ZNF469: variants seen among roughly 807,000 people sequenced by gnomAD.
ZNF469 encodes the protein zinc finger protein 469.
In ZNF469, 1 loss-of-function variant was observed where a neutral mutation model predicts 1.0. The observed-to-expected ratio is 1.00, with a 90% CI of 0.35 to 4.73. The LOEUF (loss-of-function observed/expected upper bound fraction) is 4.73, where lower values mean the gene tolerates loss of function less well. Among genes scored for constraint, ZNF469 ranks in the 30% most tolerant of loss-of-function variants. The pLI is 0.16. For missense variants in ZNF469, 6,100 were observed against 5,356.3 expected, an observed-to-expected ratio of 1.14 and a Z score of -4.33; for synonymous variants, 2,703 against 2,363.4, an observed-to-expected ratio of 1.14 and a Z score of -4.17.
the ZNF469 span, among the ~76,000 whole-genome samples, chr16:88,374,749 C>CGG: frequency 1.3e-5 from 2 of 152,294 alleles, no homozygotes; most frequent in African/African-American, 2.4e-5. Context: ...GCGCCGTGTG[C>CGG]TGTGGGCTGA....
At chr16:88,112,252 G>T in the ZNF469 span, among the ~76,000 whole-genome samples, 13 of 152,192 alleles carry the variant, frequency 8.5e-5, no homozygotes, top group Non-Finnish European at 1.6e-4. Context: ...ACACAGGACT[G>T]CAGACATCTC....
the ZNF469 span, among the ~76,000 whole-genome samples, chr16:88,119,140 G>A: frequency 6.6e-6 from 1 of 152,236 alleles, no homozygotes; most frequent in Non-Finnish European, 1.5e-5. Flanking sequence ...TCCAGTCCTT[G>A]AGGAGTTGTG....
the ZNF469 span, among the ~76,000 whole-genome samples, chr16:88,352,958 G>C: frequency 6.6e-6 from 1 of 152,170 alleles, no homozygotes; most frequent in African/African-American, 2.4e-5. Context: ...GCCCAGCCTG[G>C]GGTGGGAGGC....
chr16:88,326,309 C>G, the ZNF469 span, among the ~76,000 whole-genome samples: 1 of 152,164 alleles, frequency 6.6e-6, no homozygotes, highest in Non-Finnish European at 1.5e-5. Context: ...TTGCCTGCTG[C>G]CATCCATTTA....
chr16:88,435,618 A>C lies in ZNF469; in HGVS notation c.8148A>C (p.Ala2716=), dbSNP rs891220959. ...AGACTGACCAGGAGGCTCTGTGTGCAGGGGAGACTGGGGCCCAGAAGCCAC... is the reference window on the plus strand; with the variant it reads ...AGACTGACCAGGAGGCTCTGTGTGCCGGGGAGACTGGGGCCCAGAAGCCAC... The part of the protein sequence containing the change: ...AAETDQEALC[A]GETGAQKPPG... Residue 2716 remains alanine (A), a synonymous_variant, in exon 3 of 3, where the codon GCA becomes GCC. Coordinates refer to ENST00000565624, the MANE Select transcript of ZNF469 (RefSeq NM_001367624.2). The C allele has an allele frequency of 1.3e-6, 2 of 1,550,322 alleles. No homozygotes were observed.
intron 1 of ZNF469, among the ~76,000 whole-genome samples, chr16:88,417,303 C>T (rs72805361): frequency 0.031 from 4,769 of 152,286 alleles, 96 homozygotes; most frequent in Non-Finnish European, 0.052. Context: ...GACCGAGTCA[C>T]CCTCAACGAT....
chr16:88,253,056 G>C, the ZNF469 span, among the ~76,000 whole-genome samples: 2 of 152,204 alleles, frequency 1.3e-5, no homozygotes, highest in East Asian at 3.8e-4. Flanking sequence ...TTATCACTGA[G>C]CAAGAGTCCA....
chr16:88,275,558 C>T, the ZNF469 span, among the ~76,000 whole-genome samples: 3 of 152,202 alleles, frequency 2.0e-5, no homozygotes, highest in African/African-American at 4.8e-5. Flanking sequence ...GCCCTCACAG[C>T]ATCCTTCCAC....
At chr16:88,230,953 G>A in the ZNF469 span, among the ~76,000 whole-genome samples, 4 of 152,126 alleles carry the variant, frequency 2.6e-5, no homozygotes, top group African/African-American at 9.7e-5. Context: ...AGAGCCTTTG[G>A]TGTAGGCTCT....
chr16:88,128,542 C>A, the ZNF469 span, among the ~76,000 whole-genome samples: 1 of 152,206 alleles, frequency 6.6e-6, no homozygotes, highest in Admixed American at 6.5e-5. Flanking sequence ...CTGGAAGGGC[C>A]TGAGCTCCTA....
At chr16:88,133,594 A>T in the ZNF469 span, among the ~76,000 whole-genome samples, 1,149 of 151,972 alleles carry the variant, frequency 7.6e-3, no homozygotes, top group African/African-American at 0.026. Flanking sequence ...CAAGCAATAA[A>T]TCAAATCATT....
the ZNF469 span, among the ~76,000 whole-genome samples, chr16:88,299,049 G>A: frequency 6.6e-6 from 1 of 152,066 alleles, no homozygotes; most frequent in Non-Finnish European, 1.5e-5. Flanking sequence ...GTAGGGTGGA[G>A]GTCAGGAGAA....
At chr16:88,113,748 C>T in the ZNF469 span, among the ~76,000 whole-genome samples, 3 of 123,918 alleles carry the variant, frequency 2.4e-5, no homozygotes, top group African/African-American at 7.9e-5. Context: ...GTGAGGCGTG[C>T]GTCCCTTCTT....
the ZNF469 span, among the ~76,000 whole-genome samples, chr16:88,357,558 A>G: frequency 0.53 from 80,963 of 152,060 alleles, 22,893 homozygotes; most frequent in East Asian, 0.77. Context: ...CCAGCATCTC[A>G]GTACACTGGG....
At chr16:88,316,841 C>A in the ZNF469 span, among the ~76,000 whole-genome samples, 18 of 137,310 alleles carry the variant, frequency 1.3e-4, no homozygotes, top group South Asian at 3.1e-3. Flanking sequence ...GCCACTGCAC[C>A]CAGCCTGGGT....
the ZNF469 span, among the ~76,000 whole-genome samples, chr16:88,124,576 T>C: frequency 2.2e-5 from 2 of 90,426 alleles, no homozygotes; most frequent in Non-Finnish European, 5.0e-5. Context: ...AAGTGTTTTC[T>C]GTTTGTTTGT....
At chr16:88,279,228 A>AGTGCACAGTTAGTG in the ZNF469 span, among the ~76,000 whole-genome samples, 1 of 135,260 alleles carries the variant, frequency 7.4e-6, no homozygotes, top group African/African-American at 2.6e-5. Context: ...TGTAGATATC[A>AGTGCACAGTTAGTG]CTGCACGGTT....
the ZNF469 span, among the ~76,000 whole-genome samples, chr16:88,239,200 G>A: frequency 6.6e-6 from 1 of 152,080 alleles, no homozygotes; most frequent in Non-Finnish European, 1.5e-5. Flanking sequence ...ATTCTCTGGG[G>A]TTTTTCTACT....
the ZNF469 span, among the ~76,000 whole-genome samples, chr16:88,263,889 A>G: frequency 1.3e-5 from 2 of 151,834 alleles, no homozygotes; most frequent in African/African-American, 4.8e-5. Flanking sequence ...TTGCTGGGGC[A>G]TCTTCCCCTT....
Sources: allele counts gnomAD v4.1 joint callset (sites outside exome capture counted in the v4.1 genomes callset), GRCh38; gene constraint gnomAD v4.1.1; transcripts MANE v1.5; gene names NCBI Gene and HGNC (gene_info 2026-07-23, HGNC 2026-07-21).